DHDH: variants seen among roughly 807,000 people sequenced by gnomAD.
The protein encoded by DHDH is dihydrodiol dehydrogenase.
In DHDH, 29 loss-of-function variants were observed where a neutral mutation model predicts 33.2. The observed-to-expected ratio is 0.87, with a 90% CI of 0.65 to 1.19. The LOEUF (loss-of-function observed/expected upper bound fraction) is 1.19. Among genes scored for constraint, DHDH ranks in the 50% most tolerant of loss-of-function variants. The probability of loss-of-function intolerance (pLI) is 0.00; values close to 1 mark genes in which losing one functional copy is unlikely to be tolerated. For missense variants in DHDH, 431 were observed against 455.0 expected (o/e 0.95, Z 0.48); for synonymous variants, 201 against 187.9 (o/e 1.07, Z -0.57).
At chr19:48,944,274 GT>G (rs2037907983) in intron 5 of DHDH, 82 bp from the exon 6 acceptor site, 1 of 1,590,524 alleles carries the variant, frequency 6.3e-7, no homozygotes, top group African/African-American at 1.3e-5. Flanking sequence ...GGAGGCCCCT[GT>G]GCACCACCTG....
At chr19:48,936,332 C>G in intron 3 of DHDH, 137 bp downstream of exon 3, 2 of 1,233,866 alleles carry the variant, frequency 1.6e-6, no homozygotes, top group South Asian at 3.4e-5. Context: ...ACCGTGAAAG[C>G]CATTGCTTTT....
rs1223037544 is a variant in DHDH at position 48,936,091 on chromosome 19, G to A, written c.262G>A (p.Ala88Thr). The A allele has an allele frequency of 6.2e-7, 1 of 1,611,376 alleles. No homozygotes were observed. Among genetic ancestry groups the A allele is most frequent in the East Asian group, 2.2e-5 (1 of 44,806 alleles). Residue 88 changes from alanine (A) to threonine (T), a missense_variant, in exon 3 of 7, where the codon GCG becomes ACG. Physicochemically the swap from Ala to Thr is moderately conservative, Grantham distance 58. Coordinates refer to ENST00000221403, the MANE Select transcript of DHDH (RefSeq NM_014475.4). ...QHKAAVMLCL[A>T]AGKAVLCEKP... ...CAAGGCGGCGGTGATGCTGTGCTTG[G>A]CGGCGGGCAAGGCCGTTCTGTGCGA...
intron 3 of DHDH, 151 bp downstream of exon 3, chr19:48,936,346 C>A: frequency 8.9e-7 from 1 of 1,125,550 alleles, no homozygotes; most frequent in Non-Finnish European, 1.2e-6. Context: ...TGCTTTTGGC[C>A]CTTAGCAAAC....
chr19:48,942,087 A>G (rs1383703474), intron 4 of DHDH, among the ~76,000 whole-genome samples: 2 of 150,794 alleles, frequency 1.3e-5, no homozygotes, highest in Non-Finnish European at 1.5e-5. Flanking sequence ...GGCTCACTTC[A>G]AGCTCCGCCT....
chr19:48,944,588 GTT>G, intron 6 of DHDH, 81 bp downstream of exon 6: 1 of 1,526,206 alleles, frequency 6.6e-7, no homozygotes, highest in Non-Finnish European at 8.8e-7. Context: ...TCACCCTGCT[GTT>G]TAGAACTACA....
upstream of DHDH, among the ~76,000 whole-genome samples, chr19:48,933,070 G>C (rs534220531): frequency 6.6e-6 from 1 of 152,264 alleles, no homozygotes; most frequent in East Asian, 1.9e-4. Context: ...TCTGGAAGCA[G>C]CCAATTCACA....
chr19:48,942,618 G>C lies in DHDH; in HGVS notation c.744+54G>C, dbSNP rs999849981. ...GATCGTGCCCCTAAAATAGGAGGGGGACAAATGGCCTCTGGAGCTAGATGA... is the reference window on the plus strand; with the variant it reads ...GATCGTGCCCCTAAAATAGGAGGGGCACAAATGGCCTCTGGAGCTAGATGA... On this transcript the variant is annotated intron_variant, in intron 5 of 6. Coordinates refer to ENST00000221403, the MANE Select transcript of DHDH (RefSeq NM_014475.4). 3 of 1,580,620 alleles carry C rather than the reference G, an allele frequency of 1.9e-6. No homozygotes were observed. The Admixed American group carries it at 5.2e-5, about 27-fold the overall frequency.
chr19:48,940,020 A>AT (rs960873113), intron 4 of DHDH, among the ~76,000 whole-genome samples: 111 of 152,276 alleles, frequency 7.3e-4, no homozygotes, highest in African/African-American at 2.1e-3. Flanking sequence ...TAAAATTATT[A>AT]TTTTTTGAAG....
At chr19:48,944,280 C>G in intron 5 of DHDH, 77 bp from the exon 6 acceptor site, 1 of 1,598,804 alleles carries the variant, frequency 6.3e-7, no homozygotes, top group Admixed American at 1.7e-5. Flanking sequence ...CCCTGTGCAC[C>G]ACCTGGCATG....
At chr19:48,935,926 C>T in intron 2 of DHDH, 106 bp from the exon 3 acceptor site, 2 of 1,434,882 alleles carry the variant, frequency 1.4e-6, no homozygotes, top group Non-Finnish European at 1.9e-6. Flanking sequence ...GGGGTGTGAC[C>T]GACCACCTGG....
chr19:48,938,693 G>A (rs1272786182), intron 3 of DHDH, among the ~76,000 whole-genome samples: 1 of 149,096 alleles, frequency 6.7e-6, no homozygotes, highest in Non-Finnish European at 1.5e-5. Context: ...CGCCCAGGCT[G>A]GAGTGCAACG....
At chr19:48,938,675 C>A (rs1040729325) in intron 3 of DHDH, among the ~76,000 whole-genome samples, 1 of 147,072 alleles carries the variant, frequency 6.8e-6, no homozygotes, top group African/African-American at 2.5e-5. Context: ...GTTGGAGTCT[C>A]GCTCTGTCGC....
intron 5 of DHDH, among the ~76,000 whole-genome samples, chr19:48,943,829 A>C (rs1489018804): frequency 2.5e-5 from 3 of 120,286 alleles, no homozygotes; most frequent in East Asian, 2.2e-4. Context: ...TCCGTCTCAC[A>C]AAAAAAAAAA....
Position 48,933,879 on chromosome 19 carries a change from G to A in DHDH, c.90+68G>A, listed in dbSNP as rs887709498. On this transcript the variant is annotated intron_variant, in intron 1 of 6. Transcript: ENST00000221403. The stretch of plus-strand genomic sequence containing the variant: ...CGGGACTCCAGAGTCTAAAGGAGGA[G>A]GGAGTTTAGGGTTCAGGACTAGTGA... 5.5e-6 allele frequency: 8 copies of A among 1,463,228 alleles called. No homozygotes were observed. In the African/African-American group the frequency reaches 1.1e-4, roughly 20 times the overall value. 90.6% of individuals were successfully genotyped at this position (1,463,228 alleles called of 1,614,324 possible).
At chr19:48,943,695 G>T (rs965724405) in intron 5 of DHDH, among the ~76,000 whole-genome samples, 7 of 152,060 alleles carry the variant, frequency 4.6e-5, no homozygotes, top group Admixed American at 3.9e-4. Context: ...GTGTGGTGGT[G>T]CATGCCTGTA....
chr19:48,935,107 C>A lies in DHDH; in HGVS notation c.198C>A (p.Ser66Arg), dbSNP rs942458672. ...GSYEELAKDP[S>R]VEVAYIGTQH... ...ATGAGGAGCTGGCCAAGGACCCGAG[C>A]GTGGGTGAGTGGCGAGGGCGATGGG... The change falls in exon 2 of 7, where the codon AGC (serine) becomes AGA (arginine). Residue 66 changes from serine to arginine, a missense_variant. By Grantham distance (110) the Ser-to-Arg change is moderately radical. Coordinates refer to ENST00000221403, the MANE Select transcript of DHDH (RefSeq NM_014475.4). 31 of 1,559,938 alleles carry A rather than the reference C, an allele frequency of 2.0e-5. No individual in the cohort carries two copies. The highest frequency in any genetic ancestry group is 2.7e-5 in the African/African-American group (2 of 73,468).
upstream of DHDH, among the ~76,000 whole-genome samples, chr19:48,933,260 G>C (rs1415362299): frequency 6.6e-6 from 1 of 152,120 alleles, no homozygotes; most frequent in East Asian, 1.9e-4. Context: ...ATACATATTA[G>C]TAATAATTAT....
rs772912436 is a variant in DHDH at position 48,942,428 on chromosome 19, A to C, written c.620-12A>C. 6.3e-6 allele frequency: 10 copies of C among 1,596,430 alleles called. No homozygotes were observed. The highest frequency in any genetic ancestry group is 3.4e-5 in the Admixed American group (2 of 59,292). On this transcript the variant is annotated splice_polypyrimidine_tract_variant and intron_variant, in intron 4 of 6. Transcript: ENST00000221403. ...CTGAGAGACCCTGCCCTGACCCAGG[A>C]CTTCCCTCCAGGTGTGGATGACACT...
chr19:48,944,648 C>T, intron 6 of DHDH, 141 bp downstream of exon 6: 2 of 1,341,612 alleles, frequency 1.5e-6, no homozygotes, highest in Non-Finnish European at 2.0e-6. Context: ...TGCACTCCAG[C>T]CTGGGCAACG....
Sources: allele counts gnomAD v4.1 joint callset (sites outside exome capture counted in the v4.1 genomes callset), GRCh38; gene constraint gnomAD v4.1.1; transcripts MANE v1.5; gene names NCBI Gene and HGNC (gene_info 2026-07-23, HGNC 2026-07-21).